The following SCCPDH variants were observed in gnomAD, a reference collection of about 807,000 sequenced individuals.
The protein encoded by SCCPDH is saccharopine dehydrogenase (putative).
SCCPDH carries 34 observed loss-of-function variants against 51.5 expected under a neutral mutation model. The ratio of observed to expected loss-of-function variants is 0.66; its 90% CI spans 0.50 to 0.88. The LOEUF (loss-of-function observed/expected upper bound fraction) is 0.88, where lower values mean the gene tolerates loss of function less well. Ranked by LOEUF, SCCPDH falls within the 40% of genes least tolerant of loss-of-function variation. SCCPDH has a pLI of 0.00. For synonymous variants in SCCPDH, 187 were observed against 191.3 expected (o/e 0.98, Z 0.19); for missense variants, 464 against 527.1 (o/e 0.88, Z 1.17).
intron 2 of SCCPDH, among the ~76,000 whole-genome samples, chr1:246,732,649 A>T (rs982142166): frequency 2.0e-5 from 3 of 152,078 alleles, no homozygotes; most frequent in African/African-American, 7.2e-5. Flanking sequence ...CGGCCTCCCA[A>T]AGTGCTGGGA....
intron 9 of SCCPDH, 129 bp downstream of exon 9, chr1:246,760,356 A>G (rs769010615): frequency 6.4e-5 from 49 of 760,778 alleles, no homozygotes; most frequent in South Asian, 3.5e-4. Context: ...AGATTATTCA[A>G]TCTTTTCAAA....
At chr1:246,741,684 A>G (rs1220772624) in intron 4 of SCCPDH, among the ~76,000 whole-genome samples, 1 of 152,234 alleles carries the variant, frequency 6.6e-6, no homozygotes, top group Non-Finnish European at 1.5e-5. Flanking sequence ...GTGAACAGCT[A>G]TATGCCCATC....
intron 7 of SCCPDH, 26 bp from the exon 8 acceptor site, chr1:246,759,931 C>G (rs754299679): frequency 1.9e-6 from 3 of 1,599,346 alleles, no homozygotes; most frequent in East Asian, 4.5e-5. Context: ...GAGTAATGTT[C>G]TAACTTTGTC....
intron 5 of SCCPDH, among the ~76,000 whole-genome samples, chr1:246,750,975 C>G (rs1668843530): frequency 6.6e-6 from 1 of 152,220 alleles, no homozygotes; most frequent in Non-Finnish European, 1.5e-5. Flanking sequence ...AGGACTGCGT[C>G]ACACATGGCG....
chr1:246,746,638 T>C (rs549000579), intron 5 of SCCPDH, among the ~76,000 whole-genome samples: 1 of 152,026 alleles, frequency 6.6e-6, no homozygotes, highest in Non-Finnish European at 1.5e-5. Context: ...GTCAGGAGTT[T>C]GAGACCAGCC....
chr1:246,726,860 A>C, intron 1 of SCCPDH, 32 bp from the exon 2 acceptor site: 1 of 1,451,148 alleles, frequency 6.9e-7, no homozygotes, highest in Non-Finnish European at 9.7e-7. Context: ...CTCTACTGGG[A>C]TTTACTTTCC....
rs77003197 is a variant in SCCPDH, at chr1:246,767,346, C to G, written c.*46C>G. On this transcript the variant is annotated 3_prime_UTR_variant, in exon 12 of 12. Coordinates refer to ENST00000366510, the MANE Select transcript of SCCPDH (RefSeq NM_016002.3). ...AGTCATAACGTGCGTGAATTAACAGCTTCTCTATTTGATATTTGAAATTCT... is the reference window on the plus strand; with the variant it reads ...AGTCATAACGTGCGTGAATTAACAGGTTCTCTATTTGATATTTGAAATTCT... 4,044 of 1,122,780 alleles carry G rather than the reference C, an allele frequency of 3.6e-3. 108 individuals are homozygous for G. In the African/African-American group the frequency reaches 0.057, roughly 16 times the overall value. 69.6% of individuals were successfully genotyped at this position (1,122,780 alleles called of 1,614,324 possible).
intron 5 of SCCPDH, among the ~76,000 whole-genome samples, chr1:246,749,653 G>T (rs1340039906): frequency 6.6e-6 from 1 of 152,136 alleles, no homozygotes; most frequent in African/African-American, 2.4e-5. Context: ...AGTACTAGTT[G>T]GGGCCGTCCG....
chr1:246,765,499 G>A (rs138527970), intron 10 of SCCPDH, among the ~76,000 whole-genome samples: 1 of 152,152 alleles, frequency 6.6e-6, no homozygotes, highest in South Asian at 2.1e-4. Context: ...TATTTGACAG[G>A]ATTATAAATG....
At chr1:246,733,028 A>G (rs1380030286) in intron 2 of SCCPDH, among the ~76,000 whole-genome samples, 3 of 152,310 alleles carry the variant, frequency 2.0e-5, no homozygotes, top group Non-Finnish European at 4.4e-5. Flanking sequence ...TTTTGAGCAC[A>G]ACAGAAAGAT....
chr1:246,737,590 G>A (rs997817781), intron 3 of SCCPDH, among the ~76,000 whole-genome samples: 5 of 151,518 alleles, frequency 3.3e-5, no homozygotes, highest in African/African-American at 4.9e-5. Flanking sequence ...AAGTAGTATC[G>A]AACCCCCCCC....
chr1:246,752,973 G>GTC (rs142328468), intron 5 of SCCPDH, among the ~76,000 whole-genome samples: 1,718 of 150,932 alleles, frequency 0.011, 23 homozygotes, highest in African/African-American at 0.039. Flanking sequence ...CTGTGTCTCT[G>GTC]TCTCTCTCTC....
rs78596210 is a variant in SCCPDH, at chr1:246,726,624, G to C, written c.191-268G>C. Among the ~76,000 whole-genome samples, 584 of 152,134 alleles carry C rather than the reference G, an allele frequency of 3.8e-3. 5 individuals carry two copies. Among genetic ancestry groups the C allele is most frequent in the African/African-American group, 0.014 (569 of 41,502 alleles). On this transcript the variant is annotated intron_variant, in intron 1 of 11. Transcript: ENST00000366510. ...ATTGTGAAATTGTCATGTTACACAG[G>C]GTTGTTATTTACACAACGCTTTGAT...
chr1:246,735,571 G>A lies in SCCPDH; in HGVS notation c.304-404G>A, dbSNP rs187448236. Among the ~76,000 whole-genome samples the A allele has an allele frequency of 2.2e-4, 33 of 152,214 alleles. No individual in the cohort carries two copies. In the East Asian group the frequency reaches 4.2e-3, roughly 20 times the overall value. ...TTCTGAGACGGAGTCTCACTCTGTC[G>A]CCCAGGCTGGAGTGCAGTGGCACGA... On this transcript the variant is annotated intron_variant, in intron 2 of 11. Coordinates refer to ENST00000366510, the MANE Select transcript of SCCPDH (RefSeq NM_016002.3).
chr1:246,759,821 AC>A (rs1370738083), intron 7 of SCCPDH, 135 bp from the exon 8 acceptor site: 10 of 937,404 alleles, frequency 1.1e-5, no homozygotes. Context: ...AGATTTCAGA[AC>A]ATAATGCATT....
At chr1:246,732,049 T>G (rs1239835263) in intron 2 of SCCPDH, among the ~76,000 whole-genome samples, 1 of 151,328 alleles carries the variant, frequency 6.6e-6, no homozygotes, top group African/African-American at 2.4e-5. Flanking sequence ...GAACTCATCC[T>G]TTTTTATGCC....
intron 5 of SCCPDH, among the ~76,000 whole-genome samples, chr1:246,750,382 A>G (rs906660663): frequency 2.0e-5 from 3 of 152,206 alleles, no homozygotes; most frequent in Admixed American, 6.5e-5. Context: ...AGGGCAACCT[A>G]TACAACACTT....
chr1:246,746,107 CAAAAA>C (rs756929255), intron 5 of SCCPDH, among the ~76,000 whole-genome samples: 2 of 79,586 alleles, frequency 2.5e-5, no homozygotes, highest in African/African-American at 1.4e-4. Context: ...GACTCCATCT[CAAAAA>C]AAAAAAAAAA....
intron 10 of SCCPDH, among the ~76,000 whole-genome samples, 167 bp from the exon 11 acceptor site, chr1:246,765,891 C>T (rs1360036433): frequency 6.6e-6 from 1 of 152,186 alleles, no homozygotes; most frequent in Non-Finnish European, 1.5e-5. Flanking sequence ...GTTCCTAACA[C>T]TTAATAAATA....
Sources: gnomAD v4.1 joint callset for allele counts (sites outside exome capture counted in the v4.1 genomes callset) on GRCh38, gnomAD v4.1.1 for gene constraint, MANE v1.5 for transcripts, NCBI Gene and HGNC (gene_info 2026-07-23, HGNC 2026-07-21) for gene names.